MGAT4C: variants seen among roughly 807,000 people sequenced by gnomAD.
MGAT4C encodes alpha-1,3-mannosyl-glycoprotein 4-beta-N-acetylglucosaminyltransferase C.
In MGAT4C, 19 loss-of-function variants were observed where a neutral mutation model predicts 40.1. The observed-to-expected ratio is 0.47, with a 90% CI of 0.33 to 0.70. The LOEUF (loss-of-function observed/expected upper bound fraction) is 0.70, where lower values mean the gene tolerates loss of function less well. MGAT4C is among the 30% of genes least tolerant of loss of function. The probability of loss-of-function intolerance (pLI) is 0.02; values close to 1 mark genes in which losing one functional copy is unlikely to be tolerated. For missense variants in MGAT4C, 491 were observed against 563.2 expected, an observed-to-expected ratio of 0.87 and a Z score of 1.30; for synonymous variants, 181 against 187.1, an observed-to-expected ratio of 0.97 and a Z score of 0.27.
chr12:86,431,852 T>C lies in MGAT4C; in HGVS notation c.-120+3305A>G, dbSNP rs112111877. On this transcript the variant is annotated intron_variant, in intron 3 of 7. Coordinates refer to the MGAT4C transcript ENST00000548651. ...TCTGTATCCATATAGAATCAAGGAA[T>C]GCACCCAACTATTGATACACGCTAT... 6.5e-3 allele frequency among the ~76,000 whole-genome samples: 990 copies of C among 152,276 alleles called. 11 individuals carry two copies. Among genetic ancestry groups the C allele is most frequent in the African/African-American group, 0.023 (947 of 41,560 alleles).
chr12:85,980,397 C>G lies in MGAT4C; in HGVS notation c.329G>C (p.Arg110Pro). The change falls in exon 5 of 5, where the codon CGA becomes CCA. Residue 110 changes from arginine to proline, a missense_variant. Coordinates refer to ENST00000611864, the MANE Select transcript of MGAT4C (RefSeq NM_001351288.2). ...CTCAAGTAAATAGTTTCCTTTTTTT[C>G]GCTTTACTGAAGAAAGTCCAATTGT... ...YLTIGLSSVKRKKGNYLLETI... is the reference protein window; with the variant it reads ...YLTIGLSSVKPKKGNYLLETI... The G allele has an allele frequency of 6.2e-7, 1 of 1,605,570 alleles. No homozygotes were observed. Among genetic ancestry groups the G allele is most frequent in the Non-Finnish European group, 8.5e-7 (1 of 1,176,318 alleles).
chr12:86,795,185 C>T (rs1346859631), intron 1 of MGAT4C, among the ~76,000 whole-genome samples: 1 of 151,794 alleles, frequency 6.6e-6, no homozygotes, highest in Non-Finnish European at 1.5e-5. Context: ...ACTAGAAACT[C>T]TGCATTTATT....
chr12:86,597,482 A>C (rs910667592), intron 2 of MGAT4C, among the ~76,000 whole-genome samples: 3 of 152,336 alleles, frequency 2.0e-5, no homozygotes, highest in African/African-American at 7.2e-5. Flanking sequence ...GATTTCCCAC[A>C]GTTGTGTTGT....
At chr12:86,720,462 G>A (rs1425040909) in intron 2 of MGAT4C, among the ~76,000 whole-genome samples, 1 of 152,124 alleles carries the variant, frequency 6.6e-6, no homozygotes, top group Non-Finnish European at 1.5e-5. Flanking sequence ...CTACTGCAAT[G>A]TTCTATATGT....
chr12:86,595,966 C>T (rs1435318522), intron 2 of MGAT4C, among the ~76,000 whole-genome samples: 2 of 152,150 alleles, frequency 1.3e-5, no homozygotes, highest in Admixed American at 6.5e-5. Context: ...ACTCTTCCCA[C>T]CCCGTCCCCC....
At chr12:86,446,805 C>T (rs1957349483) in intron 2 of MGAT4C, among the ~76,000 whole-genome samples, 1 of 149,806 alleles carries the variant, frequency 6.7e-6, no homozygotes, top group South Asian at 2.1e-4. Context: ...ATTGCCATGG[C>T]TCTGTGTAAT....
chr12:86,451,031 G>A (rs1402221042), intron 2 of MGAT4C, among the ~76,000 whole-genome samples: 1 of 152,066 alleles, frequency 6.6e-6, no homozygotes, highest in Non-Finnish European at 1.5e-5. Context: ...CTTTGAAGGT[G>A]ATGTGGTTTG....
chr12:86,497,629 T>C (rs1304398408), intron 2 of MGAT4C, among the ~76,000 whole-genome samples: 1 of 151,566 alleles, frequency 6.6e-6, no homozygotes, highest in East Asian at 1.9e-4. Context: ...CTGGACCCAT[T>C]CTCATAATAC....
At chr12:86,000,718 T>C (rs1887200562) in intron 2 of MGAT4C, among the ~76,000 whole-genome samples, 1 of 152,202 alleles carries the variant, frequency 6.6e-6, no homozygotes, top group Non-Finnish European at 1.5e-5. Context: ...AGTAATTTTA[T>C]GAATAGTAGG....
At chr12:86,693,814 A>G (rs1184582462) in intron 2 of MGAT4C, among the ~76,000 whole-genome samples, 1 of 152,180 alleles carries the variant, frequency 6.6e-6, no homozygotes, top group Non-Finnish European at 1.5e-5. Context: ...TAGGAGATAT[A>G]ATTGTATGCC....
chr12:86,765,058 A>C (rs1394863963), intron 1 of MGAT4C, among the ~76,000 whole-genome samples: 1 of 152,212 alleles, frequency 6.6e-6, no homozygotes, highest in Non-Finnish European at 1.5e-5. Flanking sequence ...TCAGATGATC[A>C]AACTACTCTG....
intron 2 of MGAT4C, among the ~76,000 whole-genome samples, chr12:86,603,408 TTAG>T (rs1197019384): frequency 8.4e-6 from 1 of 119,190 alleles, no homozygotes; most frequent in Non-Finnish European, 1.7e-5. Flanking sequence ...ATATTATATA[TTAG>T]TATATATAGT....
At chr12:86,483,856 A>T (rs1044239414) in intron 2 of MGAT4C, among the ~76,000 whole-genome samples, 1 of 147,190 alleles carries the variant, frequency 6.8e-6, no homozygotes, top group African/African-American at 2.5e-5. Flanking sequence ...GCAGCCAGGA[A>T]GTGCCACTTG....
chr12:86,592,394 C>T (rs1403348372), intron 2 of MGAT4C, among the ~76,000 whole-genome samples: 1 of 152,130 alleles, frequency 6.6e-6, no homozygotes, highest in Non-Finnish European at 1.5e-5. Context: ...TCTTCAAAAA[C>T]GGCTGTGAAA....
At position 86,773,945 on chromosome 12, in the gene MGAT4C, C is replaced by CT. The variant is rs140530916; in HGVS notation, c.-261-46705dup. 2.4e-3 allele frequency among the ~76,000 whole-genome samples: 142 copies of CT among 58,470 alleles called. 8 individuals carry two copies. Among genetic ancestry groups the CT allele is most frequent in the African/African-American group, 8.6e-3 (125 of 14,594 alleles). 38.4% of individuals were successfully genotyped at this position (58,470 alleles called of 152,430 possible). ...GGTTCACATTTTTTTAAAGTAACTT[C>CT]TTTTTTTTTTTTTTTTTTTTTTTTT... On this transcript the variant is annotated intron_variant, in intron 1 of 7. Transcript: ENST00000548651.
chr12:86,511,111 T>G (rs932141416), intron 2 of MGAT4C, among the ~76,000 whole-genome samples: 1 of 151,952 alleles, frequency 6.6e-6, no homozygotes, highest in African/African-American at 2.4e-5. Flanking sequence ...CCTCAGCAAA[T>G]GTAAAAGAAC....
At chr12:86,375,038 A>G (rs1955798570) in intron 3 of MGAT4C, among the ~76,000 whole-genome samples, 1 of 152,044 alleles carries the variant, frequency 6.6e-6, no homozygotes, top group Non-Finnish European at 1.5e-5. Flanking sequence ...AGCACTCCCT[A>G]CTGTCAGAAT....
rs1566118458 is a variant in MGAT4C, at chr12:86,191,354, TAC to T, written c.-57+64883_-57+64884del. ...TTGTGGTGTGACGTGGCAAGAAAAC[TAC>T]GTGAAATGTCTCCATTGAATGCAAT... On this transcript the variant is annotated intron_variant, in intron 1 of 4. Transcript: ENST00000611864. 9.2e-5 allele frequency among the ~76,000 whole-genome samples: 14 copies of T among 151,954 alleles called. No homozygotes were observed. The East Asian group carries it at 1.4e-3, about 15-fold the overall frequency.
At chr12:86,575,900 C>T (rs111841170) in intron 2 of MGAT4C, among the ~76,000 whole-genome samples, 1 of 151,708 alleles carries the variant, frequency 6.6e-6, no homozygotes, top group Non-Finnish European at 1.5e-5. Context: ...AATTGAGGAA[C>T]CTCTAAACTG....
Sources: gnomAD v4.1 joint callset for allele counts (sites outside exome capture counted in the v4.1 genomes callset) on GRCh38, gnomAD v4.1.1 for gene constraint, MANE v1.5 for transcripts, NCBI Gene and HGNC (gene_info 2026-07-23, HGNC 2026-07-21) for gene names.